Variants in CACNB4 observed in about 807,000 individuals in gnomAD.
CACNB4 encodes calcium voltage-gated channel auxiliary subunit beta 4, also known as voltage-dependent L-type calcium channel subunit beta-4.
A neutral mutation model predicts 71.2 loss-of-function variants in CACNB4; 32 were observed. The ratio of observed to expected loss-of-function variants is 0.45; its 90% confidence interval spans 0.34 to 0.60. CACNB4 has a LOEUF of 0.60. Ranked by LOEUF, CACNB4 falls within the 20% of genes least tolerant of loss-of-function variation. CACNB4 has a pLI of 0.01. For synonymous variants in CACNB4, 231 were observed against 236.9 expected, an observed-to-expected ratio of 0.97 and a Z score of 0.23; for missense variants, 464 against 647.9, an observed-to-expected ratio of 0.72 and a Z score of 3.08.
chr2:152,056,214 T>C (rs147799413), intron 2 of CACNB4, among the ~76,000 whole-genome samples: 2,587 of 151,854 alleles, frequency 0.017, 71 homozygotes, highest in African/African-American at 0.058. Context: ...TACAAAAAAT[T>C]AGCCAGGCAT....
rs2099868753 is a variant in CACNB4, at chr2:151,958,016, T to C, written c.148-74646A>G. ...ATTTATTGTGGAATGCTAACAGATA[T>C]TAGTGGGCTACTGGGTGCTGTGAAT... On this transcript the variant is annotated intron_variant, in intron 2 of 13. Transcript: ENST00000539935. 2.0e-5 allele frequency among the ~76,000 whole-genome samples: 3 copies of C among 152,292 alleles called. No homozygotes were observed. In the South Asian group the frequency reaches 6.2e-4, roughly 32 times the overall value.
At chr2:151,975,600 C>T (rs762833246) in intron 2 of CACNB4, among the ~76,000 whole-genome samples, 21 of 152,134 alleles carry the variant, frequency 1.4e-4, no homozygotes, top group Non-Finnish European at 2.8e-4. Context: ...CTCTACCTGT[C>T]GACAAGGATG....
At chr2:151,880,067 T>C (rs2099847443) in intron 4 of CACNB4, 3 of 152,194 alleles carry the variant, frequency 2.0e-5, no homozygotes, top group African/African-American at 7.2e-5. Context: ...TCTAGACAAA[T>C]GTAGACATCC....
chr2:151,842,757 C>T (rs1042559817), intron 12 of CACNB4, among the ~76,000 whole-genome samples: 1 of 152,164 alleles, frequency 6.6e-6, no homozygotes, highest in Admixed American at 6.5e-5. Flanking sequence ...GCACTCTACA[C>T]ACTTTGGAAT....
intron 2 of CACNB4, among the ~76,000 whole-genome samples, chr2:152,069,825 G>A (rs535521267): frequency 6.8e-6 from 1 of 146,442 alleles, no homozygotes; most frequent in African/African-American, 2.5e-5. Flanking sequence ...ATAGAACAAC[G>A]ACTTCATCAA....
intron 2 of CACNB4, among the ~76,000 whole-genome samples, chr2:152,002,654 T>A (rs1682491990): frequency 6.6e-6 from 1 of 152,384 alleles, no homozygotes; most frequent in East Asian, 1.9e-4. Flanking sequence ...TTTAACAATG[T>A]GTACCTTATA....
intron 2 of CACNB4, among the ~76,000 whole-genome samples, chr2:152,038,826 C>T (rs1213287709): frequency 6.6e-6 from 1 of 152,132 alleles, no homozygotes; most frequent in African/African-American, 2.4e-5. Flanking sequence ...TCAGGCCTTC[C>T]ACCTCCCAGC....
chr2:151,909,451 A>AAAAAAAAAAAC (rs1491440293), intron 2 of CACNB4, among the ~76,000 whole-genome samples: 1 of 5,558 alleles, frequency 1.8e-4, no homozygotes, highest in African/African-American at 3.4e-3. Context: ...GGAAAAAAAC[A>AAAAAAAAAAAC]AAAAAAAAAA....
At chr2:152,000,795 C>A (rs1242486276) in intron 2 of CACNB4, among the ~76,000 whole-genome samples, 1 of 152,188 alleles carries the variant, frequency 6.6e-6, no homozygotes, top group Non-Finnish European at 1.5e-5. Context: ...ACGCCCCTGA[C>A]CTCTTGGGCT....
intron 9 of CACNB4, chr2:151,866,289 G>A (rs2099843084): frequency 6.6e-6 from 1 of 152,186 alleles, no homozygotes. Context: ...CTGAAAAGCA[G>A]ATTAAAGAAG....
intron 2 of CACNB4, chr2:151,970,987 G>C (rs142833665): frequency 2.1e-5 from 3 of 143,426 alleles, no homozygotes; most frequent in African/African-American, 8.9e-5. Flanking sequence ...GCGAGACTCC[G>C]TCTCAAAAAA....
chr2:151,973,238 G>A (rs181524476), intron 2 of CACNB4: 1 of 158,950 alleles, frequency 6.3e-6, no homozygotes, highest in East Asian at 1.8e-4. Context: ...TAATAATACA[G>A]CCACAGCTTA....
At chr2:152,057,438 C>T (rs572895618) in intron 2 of CACNB4, among the ~76,000 whole-genome samples, 9 of 152,254 alleles carry the variant, frequency 5.9e-5, no homozygotes, top group African/African-American at 1.7e-4. Flanking sequence ...AATACAAAAA[C>T]CTAAAAATAA....
intron 2 of CACNB4, among the ~76,000 whole-genome samples, chr2:152,074,654 CA>C: frequency 1.2e-5 from 1 of 83,644 alleles, no homozygotes; most frequent in African/African-American, 5.3e-5. Context: ...TCATCACCAT[CA>C]CCCCCTCACC....
intron 2 of CACNB4, among the ~76,000 whole-genome samples, chr2:152,005,232 C>T (rs1278635607): frequency 1.3e-5 from 2 of 152,168 alleles, no homozygotes; most frequent in African/African-American, 4.8e-5. Flanking sequence ...GTATGTTCAT[C>T]GCAGTACTAT....
At chr2:151,892,627 G>C (rs2099850996) in intron 2 of CACNB4, among the ~76,000 whole-genome samples, 1 of 152,182 alleles carries the variant, frequency 6.6e-6, no homozygotes, top group Non-Finnish European at 1.5e-5. Flanking sequence ...AACAGAAGGA[G>C]ATCCCCCAGA....
At chr2:152,006,002 T>C (rs78196934) in intron 2 of CACNB4, among the ~76,000 whole-genome samples, 8 of 152,240 alleles carry the variant, frequency 5.3e-5, no homozygotes, top group African/African-American at 2.4e-5. Context: ...GTCTTTGTCA[T>C]ACCATAAAAA....
At chr2:152,030,827 T>A (rs1684246269) in intron 2 of CACNB4, among the ~76,000 whole-genome samples, 1 of 152,228 alleles carries the variant, frequency 6.6e-6, no homozygotes, top group Non-Finnish European at 1.5e-5. Context: ...TGTGCCACAT[T>A]TTCTTAATCC....
chr2:151,995,722 A>C (rs1478607545), intron 2 of CACNB4, among the ~76,000 whole-genome samples: 1 of 152,236 alleles, frequency 6.6e-6, no homozygotes, highest in East Asian at 1.9e-4. Context: ...AATAAAATAA[A>C]ATAAAATAAA....
Sources: gnomAD v4.1 joint callset for allele counts (sites outside exome capture counted in the v4.1 genomes callset) on GRCh38, gnomAD v4.1.1 for gene constraint, MANE v1.5 for transcripts, NCBI Gene and HGNC (gene_info 2026-07-23, HGNC 2026-07-21) for gene names.